Variants in GPRC5B observed in about 807,000 individuals in gnomAD.
The protein encoded by GPRC5B is G protein-coupled receptor class C group 5 member B, also known as G protein-coupled receptor family C group 5 member B.
GPRC5B carries 16 observed loss-of-function variants against 30.1 expected under a neutral mutation model. That is an observed-to-expected ratio of 0.53 (90% CI 0.36 to 0.81). GPRC5B has a LOEUF of 0.81. GPRC5B is among the 30% of genes least tolerant of loss of function. GPRC5B has a pLI of 0.01. For synonymous variants in GPRC5B, 241 were observed against 239.5 expected (o/e 1.01, Z -0.06); for missense variants, 428 against 544.7 (o/e 0.79, Z 2.13).
intron 1 of GPRC5B, among the ~76,000 whole-genome samples, chr16:19,876,127 C>T (rs2056757606): frequency 6.6e-6 from 1 of 152,226 alleles, no homozygotes; most frequent in African/African-American, 2.4e-5. Context: ...GGATGACAGG[C>T]AGGAATGTGC....
chr16:19,877,709 T>A (rs2056769382), intron 1 of GPRC5B, among the ~76,000 whole-genome samples: 1 of 152,198 alleles, frequency 6.6e-6, no homozygotes, highest in Admixed American at 6.5e-5. Context: ...TAAGTACTAT[T>A]ACTATCTCCA....
At position 19,871,949 on chromosome 16, in the gene GPRC5B, G is replaced by C. The variant is rs554017564; in HGVS notation, c.897C>G (p.Ala299=). Residue 299 remains alanine, a synonymous_variant, in exon 2 of 4, where the codon GCC becomes GCG. Transcript: ENST00000300571. The part of the protein sequence containing the change: ...IPEIHCTLLP[A]LQENTPNYFD... ...AGTAGTTGGGCGTGTTCTCCTGCAG[G>C]GCTGGCAGAAGGGTGCAGTGGATCT... The C allele has an allele frequency of 2.5e-6, 4 of 1,614,076 alleles. No individual in the cohort carries two copies. The highest frequency in any genetic ancestry group is 1.6e-4 in the Middle Eastern group (1 of 6,062).
intron 2 of GPRC5B, among the ~76,000 whole-genome samples, chr16:19,867,832 G>A (rs967777780): frequency 2.0e-5 from 3 of 152,012 alleles, no homozygotes; most frequent in Non-Finnish European, 1.5e-5. Context: ...CAGGCAGATC[G>A]TGAGGTCAGG....
chr16:19,858,651 C>G lies in GPRC5B; in HGVS notation c.*1849G>C. 1.9e-6 allele frequency: 1 copy of G among 528,626 alleles called. No homozygotes were observed. The highest frequency in any genetic ancestry group is 2.7e-5 in the South Asian group (1 of 36,538). The allele number at this position is 528,626 out of a possible 1,614,324, so 32.7% of individuals were successfully genotyped here. A position where few individuals can be genotyped will look rare whatever the true frequency, so the allele number is the denominator to read the frequency against. On this transcript the variant is annotated 3_prime_UTR_variant, in exon 4 of 4. Transcript: ENST00000300571. ...CCGGGTCCGCATGCAACCGCCCCCA[C>G]CCCCACCCCAGGTCCTAGCTTCATT...
chr16:19,871,260 C>T (rs1375298298), intron 2 of GPRC5B, among the ~76,000 whole-genome samples: 2 of 85,326 alleles, frequency 2.3e-5, no homozygotes, highest in South Asian at 6.8e-4. Flanking sequence ...TCAGCCTGGG[C>T]AACAGAACAA....
At chr16:19,866,881 G>C (rs752518109) in intron 2 of GPRC5B, among the ~76,000 whole-genome samples, 2 of 152,210 alleles carry the variant, frequency 1.3e-5, no homozygotes, top group Non-Finnish European at 2.9e-5. Context: ...TTATTGATAA[G>C]TCTGGACTCT....
chr16:19,870,756 C>T (rs1488438520), intron 2 of GPRC5B, among the ~76,000 whole-genome samples: 1 of 152,048 alleles, frequency 6.6e-6, no homozygotes, highest in Admixed American at 6.6e-5. Context: ...CAATAGAGAG[C>T]GGTAGAGAGT....
rs1012947956 is a variant in GPRC5B at position 19,857,227 on chromosome 16, C to A, written c.*3273G>T. ...CCCATTTAAAATGCCACAGACCGAC[C>A]CTCAAGGCAGATCCGAAAGCCTAGT... On this transcript the variant is annotated 3_prime_UTR_variant, in exon 4 of 4. Coordinates refer to ENST00000300571, the MANE Select transcript of GPRC5B (RefSeq NM_016235.3). 3 of 292,210 alleles carry A rather than the reference C, an allele frequency of 1.0e-5. No individual in the cohort carries two copies. The highest frequency in any genetic ancestry group is 1.0e-4 in the Admixed American group (2 of 19,226). The allele number at this position is 292,210 out of a possible 1,614,324, so 18.1% of individuals were successfully genotyped here.
Position 19,860,391 on chromosome 16 carries a change from T to C in GPRC5B, c.*109A>G, listed in dbSNP as rs867909422. On this transcript the variant is annotated 3_prime_UTR_variant, in exon 4 of 4. Transcript: ENST00000300571. ...GGCTAGGATTTCCAAATTTCCTGGCTGTGAGGCGGCCTGGTTCGGCAACTG... is the reference window on the plus strand; with the variant it reads ...GGCTAGGATTTCCAAATTTCCTGGCCGTGAGGCGGCCTGGTTCGGCAACTG... The C allele has an allele frequency of 1.4e-6, 1 of 697,960 alleles. No individual in the cohort carries two copies. The highest frequency in any genetic ancestry group is 2.5e-6 in the Non-Finnish European group (1 of 392,332). The allele number at this position is 697,960 out of a possible 1,614,324, so 43.2% of individuals were successfully genotyped here. A position where few individuals can be genotyped will look rare whatever the true frequency, so the allele number is the denominator to read the frequency against.
In GPRC5B at chr16:19,858,732, G is replaced by A. The variant is rs1430459489; in HGVS notation, c.*1768C>T. The stretch of plus-strand genomic sequence containing the variant: ...TTTCTGTCCACGCAATGACTGGAAC[G>A]GGATTCTCTAGAAGCAAGCACATGC... On this transcript the variant is annotated 3_prime_UTR_variant, in exon 4 of 4. Coordinates refer to ENST00000300571, the MANE Select transcript of GPRC5B (RefSeq NM_016235.3). 1.6e-5 allele frequency: 7 copies of A among 445,578 alleles called. No individual in the cohort carries two copies. Among genetic ancestry groups the A allele is most frequent in the Non-Finnish European group, 2.8e-5 (7 of 253,984 alleles). 27.6% of individuals were successfully genotyped at this position (445,578 alleles called of 1,614,324 possible).
At chr16:19,865,816 G>A (rs1046884227) in intron 2 of GPRC5B, among the ~76,000 whole-genome samples, 12 of 152,226 alleles carry the variant, frequency 7.9e-5, no homozygotes, top group African/African-American at 2.2e-4. Context: ...GCTGAAGAAC[G>A]TCACTTAGAC....
chr16:19,872,344 ACAGCGCCAGGCCCAC>A lies in GPRC5B; in HGVS notation c.487_501del (p.Val163_Leu167del). On this transcript the variant is annotated inframe_deletion, in exon 2 of 4. Coordinates refer to ENST00000300571, the MANE Select transcript of GPRC5B (RefSeq NM_016235.3). The surrounding 1 kb of genome is among the most constrained non-coding windows in gnomAD (Gnocchi z 5.0). ...ATGATGACTTGCACCAGCATCAGGC[ACAGCGCCAGGCCCAC>A]CAGCTGCCAGCCCGCGGGGCCCGTG... 1 of 1,613,994 alleles carries A rather than the reference ACAGCGCCAGGCCCAC, an allele frequency of 6.2e-7. No individual in the cohort carries two copies. The highest frequency in any genetic ancestry group is 1.1e-5 in the South Asian group (1 of 91,074).
Position 19,857,497 on chromosome 16 carries a change from A to G in GPRC5B, c.*3003T>C. ...GGGGAAGATAAAGGTACATTATAAA[A>G]CACACATTAATGCATTTAATAAATA... is the stretch of plus-strand genomic sequence containing the variant. On this transcript the variant is annotated 3_prime_UTR_variant, in exon 4 of 4. Coordinates refer to ENST00000300571, the MANE Select transcript of GPRC5B (RefSeq NM_016235.3). 2.3e-6 allele frequency: 1 copy of G among 429,234 alleles called. No individual in the cohort carries two copies. The highest frequency in any genetic ancestry group is 1.7e-5 in the South Asian group (1 of 58,032). 26.6% of individuals were successfully genotyped at this position (429,234 alleles called of 1,614,324 possible).
chr16:19,885,596 AC>A (rs2056844012), upstream of GPRC5B: 1 of 1,037,962 alleles, frequency 9.6e-7, no homozygotes, highest in East Asian at 1.0e-4. This position sits in a 1 kb window ranked among gnomAD's most constrained non-coding sequence, Gnocchi z 5.3. Flanking sequence ...CGCACACATC[AC>A]CCACGTACGC....
chr16:19,885,048 G>T (rs1396423198), upstream of GPRC5B: 2 of 686,034 alleles, frequency 2.9e-6, no homozygotes, highest in Non-Finnish European at 4.3e-6. The surrounding 1 kb of genome is among the most constrained non-coding windows in gnomAD (Gnocchi z 5.3). Context: ...GTAGCTTCTA[G>T]CCCGGATCTC....
chr16:19,878,950 G>T (rs1384952453), intron 1 of GPRC5B, among the ~76,000 whole-genome samples: 4 of 152,162 alleles, frequency 2.6e-5, no homozygotes, highest in Non-Finnish European at 4.4e-5. Context: ...CACCAGTGCT[G>T]CAGGCGATGT....
chr16:19,885,021 C>G, upstream of GPRC5B: 1 of 577,030 alleles, frequency 1.7e-6, no homozygotes, highest in Non-Finnish European at 2.4e-6. The surrounding 1 kb of genome is among the most constrained non-coding windows in gnomAD (Gnocchi z 5.3). Flanking sequence ...CTGCATGCAC[C>G]CCCGGAGCCC....
At position 19,861,846 on chromosome 16, in the gene GPRC5B, G is replaced by C; in HGVS notation, c.1158C>G (p.Asn386Lys). Residue 386 changes from asparagine to lysine, a missense_variant, in exon 3 of 4, where the codon AAC (asparagine) becomes AAG (lysine). By Grantham distance (94) the Asn-to-Lys change is moderately conservative. Transcript: ENST00000300571. ...YQPTEMAVVL[N>K]GGTIPTAPPS... ...ACATCTTGATACTTACGGTCCCACC[G>C]TTGAGCACGACGGCCATCTCAGTTG... 3 of 1,613,218 alleles carry C rather than the reference G, an allele frequency of 1.9e-6. No individual in the cohort carries two copies.
intron 2 of GPRC5B, chr16:19,862,251 C>T (rs964481285): frequency 9.2e-5 from 37 of 400,698 alleles, no homozygotes; most frequent in Non-Finnish European, 1.1e-4. Flanking sequence ...CTCCAAGCCA[C>T]GCAGCCTCTG....
Sources: allele counts gnomAD v4.1 joint callset (sites outside exome capture counted in the v4.1 genomes callset), GRCh38; gene constraint gnomAD v4.1.1; non-coding constraint Gnocchi (gnomAD v3.1); transcripts MANE v1.5; gene names NCBI Gene and HGNC (gene_info 2026-07-23, HGNC 2026-07-21).